DSCAM: variants seen among roughly 807,000 people sequenced by gnomAD.
DSCAM encodes the protein cell adhesion molecule DSCAM.
DSCAM carries 47 observed loss-of-function variants against 217.7 expected under a neutral mutation model. The observed-to-expected ratio is 0.22, with a 90% CI of 0.17 to 0.28. DSCAM has a LOEUF of 0.28. Among genes scored for constraint, DSCAM ranks in the 10% least tolerant of loss-of-function variants. The pLI is 1.00. For synonymous variants in DSCAM, 1,056 were observed against 1,015.3 expected (o/e 1.04, Z -0.76); for missense variants, 2,080 against 2,618.3 (o/e 0.79, Z 4.49).
At chr21:40,416,504 C>T (rs2075373215) in intron 3 of DSCAM, among the ~76,000 whole-genome samples, 1 of 152,090 alleles carries the variant, frequency 6.6e-6, no homozygotes, top group African/African-American at 2.4e-5. Flanking sequence ...TAAATGTTGT[C>T]ATTTTGCCAA....
intron 8 of DSCAM, among the ~76,000 whole-genome samples, chr21:40,316,445 A>G (rs1490476713): frequency 1.3e-5 from 2 of 152,386 alleles, no homozygotes; most frequent in East Asian, 1.9e-4. Context: ...TTTTATATTC[A>G]TAAGACATAA....
At chr21:40,759,824 C>G (rs997106880) in intron 1 of DSCAM, among the ~76,000 whole-genome samples, 12 of 152,176 alleles carry the variant, frequency 7.9e-5, no homozygotes, top group Non-Finnish European at 1.3e-4. Flanking sequence ...TCCTCACTGC[C>G]GCCTTCTATC....
chr21:40,590,215 A>G (rs2076974320), intron 3 of DSCAM, among the ~76,000 whole-genome samples: 1 of 152,240 alleles, frequency 6.6e-6, no homozygotes, highest in Non-Finnish European at 1.5e-5. Context: ...TGCGACTTAC[A>G]TGGAAGTATG....
At chr21:40,329,369 A>G (rs1348002459) in intron 8 of DSCAM, among the ~76,000 whole-genome samples, 1 of 152,168 alleles carries the variant, frequency 6.6e-6, no homozygotes, top group Non-Finnish European at 1.5e-5. Flanking sequence ...TAATCCCTGC[A>G]CTTTGGGAGG....
chr21:40,471,628 A>T (rs73361162), intron 3 of DSCAM, among the ~76,000 whole-genome samples: 3 of 152,118 alleles, frequency 2.0e-5, no homozygotes, highest in African/African-American at 7.2e-5. Context: ...CTGCCCAAGG[A>T]CACGCAGCTG....
chr21:40,580,952 G>A (rs57467863), intron 3 of DSCAM, among the ~76,000 whole-genome samples: 3,416 of 152,276 alleles, frequency 0.022, 110 homozygotes, highest in African/African-American at 0.078. Context: ...TTTAAGAAGC[G>A]AGAAGAATGC....
intron 3 of DSCAM, among the ~76,000 whole-genome samples, chr21:40,462,519 A>C (rs1424430803): frequency 2.6e-5 from 4 of 152,082 alleles, no homozygotes; most frequent in Non-Finnish European, 5.9e-5. Context: ...ATCTTTAAAA[A>C]ATTTTCACAT....
At chr21:40,106,231 C>G (rs115536886) in intron 20 of DSCAM, among the ~76,000 whole-genome samples, 3,156 of 152,246 alleles carry the variant, frequency 0.021, 125 homozygotes, top group African/African-American at 0.071. Context: ...GGAAAATCCG[C>G]CCCCATGATT....
chr21:40,170,193 A>G (rs951510255), intron 15 of DSCAM, among the ~76,000 whole-genome samples: 2 of 152,134 alleles, frequency 1.3e-5, no homozygotes, highest in Admixed American at 6.5e-5. Context: ...TCCCTCCATC[A>G]GGGTTTGCCG....
chr21:40,130,157 T>C (rs778411290), intron 19 of DSCAM, among the ~76,000 whole-genome samples: 3 of 152,260 alleles, frequency 2.0e-5, no homozygotes, highest in Non-Finnish European at 2.9e-5. Flanking sequence ...AGCTTTTGCC[T>C]TCAGAGTGAA....
rs1217975135 is a variant in DSCAM, at chr21:40,764,806, T to C, written c.44-56035A>G. On this transcript the variant is annotated intron_variant, in intron 1 of 32. Coordinates refer to ENST00000400454, the MANE Select transcript of DSCAM (RefSeq NM_001389.5). Reference sequence around the variant, plus strand: ...TGAGTTCATGTCCTTTGCAAGGTCATGGATGAAGCTGGAAACCATCATCCT... The same window carrying C: ...TGAGTTCATGTCCTTTGCAAGGTCACGGATGAAGCTGGAAACCATCATCCT... Among the ~76,000 whole-genome samples the C allele has an allele frequency of 2.0e-5, 3 of 152,282 alleles. No homozygotes were observed. In the East Asian group the frequency reaches 5.8e-4, roughly 29 times the overall value.
intron 1 of DSCAM, among the ~76,000 whole-genome samples, chr21:40,718,631 C>A (rs2090868846): frequency 6.6e-6 from 1 of 152,066 alleles, no homozygotes; most frequent in Admixed American, 6.5e-5. Flanking sequence ...CCTCCCAAAA[C>A]ATGTGGGAAT....
chr21:40,635,032 C>G (rs895104832), intron 3 of DSCAM, among the ~76,000 whole-genome samples: 4 of 152,136 alleles, frequency 2.6e-5, no homozygotes, highest in Non-Finnish European at 5.9e-5. Context: ...GTCTTCCAGC[C>G]CCTGGAATAG....
chr21:40,219,311 C>A (rs2091270208), intron 11 of DSCAM, among the ~76,000 whole-genome samples: 1 of 152,042 alleles, frequency 6.6e-6, no homozygotes, highest in South Asian at 2.1e-4. Flanking sequence ...AACCTTGCAT[C>A]CTGGAGATAA....
intron 3 of DSCAM, among the ~76,000 whole-genome samples, chr21:40,677,445 G>A (rs4818159): frequency 0.25 from 38,565 of 151,890 alleles, 5,984 homozygotes; most frequent in Admixed American, 0.42. Context: ...TTGAAAGGAA[G>A]CAAAAAAGGC....
At chr21:40,791,511 C>T (rs867709697) in intron 1 of DSCAM, among the ~76,000 whole-genome samples, 15 of 151,992 alleles carry the variant, frequency 9.9e-5, no homozygotes, top group Non-Finnish European at 1.6e-4. Context: ...AAAAATTAGC[C>T]GGGCGTGCTG....
chr21:40,427,092 C>T (rs1283638920), intron 3 of DSCAM, among the ~76,000 whole-genome samples: 1 of 152,196 alleles, frequency 6.6e-6, no homozygotes, highest in Admixed American at 6.5e-5. Context: ...GGCCACAGCA[C>T]TCTCTGCAAT....
intron 13 of DSCAM, 97 bp downstream of exon 13, chr21:40,187,794 A>G (rs1465944147): frequency 1.8e-6 from 2 of 1,082,008 alleles, no homozygotes; most frequent in Admixed American, 1.8e-5. Flanking sequence ...AGGAAGTGTT[A>G]CATGGCAAGT....
intron 8 of DSCAM, among the ~76,000 whole-genome samples, chr21:40,321,194 C>T (rs908342254): frequency 2.0e-5 from 3 of 152,218 alleles, no homozygotes; most frequent in African/African-American, 7.2e-5. Flanking sequence ...CCCTGATGGT[C>T]TCAGCACCTC....
Sources: allele counts gnomAD v4.1 joint callset (sites outside exome capture counted in the v4.1 genomes callset), GRCh38; gene constraint gnomAD v4.1.1; transcripts MANE v1.5; gene names NCBI Gene and HGNC (gene_info 2026-07-23, HGNC 2026-07-21).